Variants in POLR3A observed in about 807,000 individuals in gnomAD.
POLR3A encodes the protein DNA-directed RNA polymerase III subunit RPC1.
POLR3A carries 112 observed loss-of-function variants against 152.8 expected under a neutral mutation model. The ratio of observed to expected loss-of-function variants is 0.73; its 90% CI spans 0.63 to 0.86. The LOEUF is 0.86. POLR3A is among the 40% of genes least tolerant of loss of function. The pLI is 0.00. For missense variants in POLR3A, 1,385 were observed against 1,743.1 expected, an observed-to-expected ratio of 0.79 and a Z score of 3.66; for synonymous variants, 615 against 652.1, an observed-to-expected ratio of 0.94 and a Z score of 0.87.
In POLR3A at chr10:78,024,942, T is replaced by C. The variant is rs369910431; in HGVS notation, c.490+29A>G. Reference sequence around the variant, plus strand: ...AGAAGACAGTGAGTGAAAAGGGCTATTGCTTAGCCTTCTGTGCATTCCACT... The same window carrying C: ...AGAAGACAGTGAGTGAAAAGGGCTACTGCTTAGCCTTCTGTGCATTCCACT... On this transcript the variant is annotated intron_variant, in intron 4 of 30. Coordinates refer to ENST00000372371, the MANE Select transcript of POLR3A (RefSeq NM_007055.4). 85 of 1,609,144 alleles carry C rather than the reference T, an allele frequency of 5.3e-5. 1 individual carries two copies. The highest frequency in any genetic ancestry group is 3.6e-4 in the African/African-American group (27 of 74,818).
intron 14 of POLR3A, among the ~76,000 whole-genome samples, chr10:78,009,045 C>T (rs765885602): frequency 1.3e-5 from 2 of 148,698 alleles, no homozygotes; most frequent in African/African-American, 2.5e-5. Flanking sequence ...CCAAGCTACT[C>T]AGGAGGCTGA....
Position 77,979,948 on chromosome 10 carries a change from C to T in POLR3A, c.4024+193G>A, listed in dbSNP as rs7918193. On this transcript the variant is annotated intron_variant, in intron 30 of 30. Transcript: ENST00000372371. ...AGGGAAGTCATCCAACAGATGTAAACGGGGATGCAGGATGCTACAGTCAGG... is the reference window on the plus strand; with the variant it reads ...AGGGAAGTCATCCAACAGATGTAAATGGGGATGCAGGATGCTACAGTCAGG... Among the ~76,000 whole-genome samples, 1,809 of 152,270 alleles carry T rather than the reference C, an allele frequency of 0.012. 39 individuals are homozygous for T. Among genetic ancestry groups the T allele is most frequent in the African/African-American group, 0.041 (1,698 of 41,558 alleles).
intron 1 of POLR3A, among the ~76,000 whole-genome samples, chr10:78,026,685 C>T (rs768493309): frequency 3.3e-5 from 5 of 152,214 alleles, no homozygotes; most frequent in Non-Finnish European, 7.3e-5. Flanking sequence ...TACCACCTAG[C>T]ATTACAACCT....
intron 19 of POLR3A, among the ~76,000 whole-genome samples, 184 bp from the exon 20 acceptor site, chr10:77,993,551 C>T (rs1847270058): frequency 6.6e-6 from 1 of 152,128 alleles, no homozygotes; most frequent in Admixed American, 6.6e-5. Context: ...GCCTTACTAG[C>T]CTGTGCAGTG....
In POLR3A at chr10:78,019,262, T is replaced by C; in HGVS notation, c.1189A>G (p.Asn397Asp). Residue 397 changes from asparagine (N) to aspartate (D), a missense_variant, in exon 9 of 31, where the codon AAC becomes GAC. Transcript: ENST00000372371. ...AKILTFPEKV[N>D]KANINFLRKL... ...CTCAAGAAATTGATGTTTGCTTTGT[T>C]TACCTGCAGTACAAAAAAACCACAA... is the stretch of plus-strand genomic sequence containing the variant. The C allele has an allele frequency of 6.2e-7, 1 of 1,610,170 alleles. No individual in the cohort carries two copies. The highest frequency in any genetic ancestry group is 8.5e-7 in the Non-Finnish European group (1 of 1,176,636).
chr10:77,988,737 T>C (rs1373853214), intron 21 of POLR3A, among the ~76,000 whole-genome samples: 1 of 152,144 alleles, frequency 6.6e-6, no homozygotes, highest in Non-Finnish European at 1.5e-5. Flanking sequence ...TGCCACTGAA[T>C]TTTTCCTCTA....
intron 23 of POLR3A, among the ~76,000 whole-genome samples, chr10:77,985,640 A>G (rs571138351): frequency 1.3e-5 from 2 of 152,368 alleles, no homozygotes; most frequent in East Asian, 3.9e-4. Context: ...CTGATGGCAA[A>G]CAGAGCAGTG....
chr10:78,017,541 C>A lies in POLR3A; in HGVS notation c.1431+34G>T, dbSNP rs7074690. ...ACTGAACAGTCATGGCAAATTTCTA[C>A]GTGATGGAAAATTTAAAAAGCAGTG... is the stretch of plus-strand genomic sequence containing the variant. On this transcript the variant is annotated intron_variant, in intron 10 of 30. Transcript: ENST00000372371. The A allele has an allele frequency of 0.016, 26,032 of 1,610,184 alleles. 3,324 individuals carry two copies. In the African/African-American group the frequency reaches 0.29, roughly 18 times the overall value.
chr10:78,009,222 G>C (rs919588878), intron 14 of POLR3A, among the ~76,000 whole-genome samples: 1 of 132,512 alleles, frequency 7.5e-6, no homozygotes, highest in East Asian at 2.3e-4. Context: ...TGCCCCCCCC[G>C]CCGCCAAAAA....
chr10:78,024,903 C>T, intron 4 of POLR3A, 68 bp downstream of exon 4: 1 of 1,568,136 alleles, frequency 6.4e-7, no homozygotes, highest in South Asian at 1.1e-5. Flanking sequence ...TTATGTAAAC[C>T]TAATAAACTA....
Position 78,007,702 on chromosome 10 carries a change from A to G in POLR3A, c.2074T>C (p.Ser692Pro), listed in dbSNP as rs1312259826. The G allele has an allele frequency of 6.2e-7, 1 of 1,613,168 alleles. No individual in the cohort carries two copies. Among genetic ancestry groups the G allele is most frequent in the South Asian group, 1.1e-5 (1 of 91,066 alleles). ...RLARLAPVYL[S>P]NRGFSIGIGD... ...AAAAGAAGGATGCTGAGATACTTACACAGGTAGACAGGAGCCAGCCTGGCG... is the reference window on the plus strand; with the variant it reads ...AAAAGAAGGATGCTGAGATACTTACGCAGGTAGACAGGAGCCAGCCTGGCG... The change falls in exon 15 of 31, where the codon TCT becomes CCT. Residue 692 changes from serine to proline, a missense_variant and splice_region_variant. Coordinates refer to ENST00000372371, the MANE Select transcript of POLR3A (RefSeq NM_007055.4).
At position 77,977,341 on chromosome 10, in the gene POLR3A, T is replaced by C; in HGVS notation, c.*137A>G. 1.2e-6 allele frequency: 1 copy of C among 867,716 alleles called. No homozygotes were observed. Among genetic ancestry groups the C allele is most frequent in the Non-Finnish European group, 2.0e-6 (1 of 507,904 alleles). The allele number at this position is 867,716 out of a possible 1,614,324, so 53.8% of individuals were successfully genotyped here. ...TCAGAGGAGAAGCTGCTCCTGGGGA[T>C]GCCAAGAGGGCTTCTCTGATTGCTG... On this transcript the variant is annotated 3_prime_UTR_variant, in exon 31 of 31. Transcript: ENST00000372371.
At chr10:78,025,858 G>C in intron 2 of POLR3A, 99 bp from the exon 3 acceptor site, 1 of 1,266,736 alleles carries the variant, frequency 7.9e-7, no homozygotes, top group Non-Finnish European at 1.2e-6. Flanking sequence ...CATTTCTTTT[G>C]CTTCTTAAAT....
chr10:77,977,063 A>C lies in POLR3A; in HGVS notation c.*415T>G. 5.3e-6 allele frequency: 1 copy of C among 188,328 alleles called. No individual in the cohort carries two copies. The highest frequency in any genetic ancestry group is 1.1e-5 in the Non-Finnish European group (1 of 89,706). The allele number at this position is 188,328 out of a possible 1,614,324, so 11.7% of individuals were successfully genotyped here. A position where few individuals can be genotyped will look rare whatever the true frequency, so the allele number is the denominator to read the frequency against. The stretch of plus-strand genomic sequence containing the variant: ...ATGACCAAGGAATGGAAAATCCAAG[A>C]ATGTGCCCTGGCCTGTGTGGGGCTC... On this transcript the variant is annotated 3_prime_UTR_variant, in exon 31 of 31. Transcript: ENST00000372371.
chr10:77,976,226 C>T lies in POLR3A; in HGVS notation c.*1252G>A, dbSNP rs1847087953. On this transcript the variant is annotated 3_prime_UTR_variant, in exon 31 of 31. Coordinates refer to ENST00000372371, the MANE Select transcript of POLR3A (RefSeq NM_007055.4). Reference sequence around the variant, plus strand: ...CTCACTACAACCTCCACCTCCCAGGCTCAAGTGAACCTTCCACCTCAGCCT... The same window carrying T: ...CTCACTACAACCTCCACCTCCCAGGTTCAAGTGAACCTTCCACCTCAGCCT... The T allele has an allele frequency of 6.6e-6, 1 of 151,552 alleles. No homozygotes were observed. Among genetic ancestry groups the T allele is most frequent in the South Asian group, 2.1e-4 (1 of 4,800 alleles). The allele number at this position is 151,552 out of a possible 1,614,324, so 9.4% of individuals were successfully genotyped here. A position where few individuals can be genotyped will look rare whatever the true frequency, so the allele number is the denominator to read the frequency against.
At position 77,985,302 on chromosome 10, in the gene POLR3A, C is replaced by G; in HGVS notation, c.3110G>C (p.Cys1037Ser). 6.2e-7 allele frequency: 1 copy of G among 1,614,162 alleles called. No individual in the cohort carries two copies. The highest frequency in any genetic ancestry group is 8.5e-7 in the Non-Finnish European group (1 of 1,179,972). Reference protein sequence around the residue: ...MEPGSAVGALCAQSIGEPGTQ... With the variant: ...MEPGSAVGALSAQSIGEPGTQ... ...GCCTGGCTCACCAATGCTCTGGGCA[C>G]ACAGAGCACCCACTGCAGAACCTGG... Residue 1037 changes from cysteine to serine, a missense_variant, in exon 24 of 31, where the codon TGT becomes TCT. By Grantham distance (112) the Cys-to-Ser change is moderately radical (BLOSUM62 -1). Around this residue, in one of 7 missense-constraint regions of POLR3A, gnomAD observed 178 missense variants for 204.6 expected, o/e 0.87. Transcript: ENST00000372371.
rs11459965 is a variant in POLR3A at position 78,002,710 on chromosome 10, A to AT, written c.2248-403dup. Among the ~76,000 whole-genome samples, 1,143 of 151,826 alleles carry AT rather than the reference A, an allele frequency of 7.5e-3. 9 individuals carry two copies. Among genetic ancestry groups the AT allele is most frequent in the African/African-American group, 0.026 (1,086 of 41,394 alleles). ...CTACCAGGCCTGGCTAATTTTTAAA[A>AT]TTTTTTTTGTAGAGATGGGGTCTTG... On this transcript the variant is annotated intron_variant, in intron 16 of 30. Coordinates refer to ENST00000372371, the MANE Select transcript of POLR3A (RefSeq NM_007055.4).
At chr10:78,026,862 C>T (rs1183402432) in intron 1 of POLR3A, among the ~76,000 whole-genome samples, 1 of 152,220 alleles carries the variant, frequency 6.6e-6, no homozygotes, top group Non-Finnish European at 1.5e-5. Flanking sequence ...CTCATAGGCA[C>T]TTCAAACCCC....
chr10:78,018,106 G>A (rs1346524590), intron 9 of POLR3A, among the ~76,000 whole-genome samples: 1 of 151,234 alleles, frequency 6.6e-6, no homozygotes, highest in Non-Finnish European at 1.5e-5. Flanking sequence ...AGCAGAGGAG[G>A]TGGAGACTGC....
Sources: allele counts gnomAD v4.1 joint callset (sites outside exome capture counted in the v4.1 genomes callset), GRCh38; gene constraint gnomAD v4.1.1; regional missense constraint gnomAD v4.1.1; transcripts MANE v1.5; gene names NCBI Gene and HGNC (gene_info 2026-07-23, HGNC 2026-07-21).